TXNRD1: variants seen among roughly 807,000 people sequenced by gnomAD.
TXNRD1 encodes thioredoxin reductase 1, also known as thioredoxin reductase 1, cytoplasmic.
Under a neutral mutation model 80.3 loss-of-function variants are expected in TXNRD1, and 57 were observed. The ratio of observed to expected loss-of-function variants is 0.71; its 90% CI spans 0.57 to 0.89. The LOEUF (loss-of-function observed/expected upper bound fraction) is 0.89, where lower values mean the gene tolerates loss of function less well. TXNRD1 is among the 40% of genes least tolerant of loss of function. The pLI is 0.00. For missense variants in TXNRD1, 730 were observed against 803.0 expected (o/e 0.91, Z 1.10); for synonymous variants, 291 against 285.2 (o/e 1.02, Z -0.20).
At chr12:104,265,519 T>C (rs1593724902) in intron 3 of TXNRD1, 2 of 1,610,190 alleles carry the variant, frequency 1.2e-6, no homozygotes, top group Non-Finnish European at 1.7e-6. Context: ...GTTTGAGAAG[T>C]CCCCCCTGCG....
Position 104,266,789 on chromosome 12 carries a change from C to T in TXNRD1, c.304+8710C>T, listed in dbSNP as rs186328651. On this transcript the variant is annotated intron_variant, in intron 3 of 16. Coordinates refer to ENST00000525566, the MANE Select transcript of TXNRD1 (RefSeq NM_001093771.3). ...CCATCTGGCTAACAGGGTGAAACCC[C>T]GTCTCTACTAAAAACACAAAAAATT... is the stretch of plus-strand genomic sequence containing the variant. 6.9e-3 allele frequency among the ~76,000 whole-genome samples: 1,044 copies of T among 151,936 alleles called. 6 individuals carry two copies. The Middle Eastern group carries it at 0.075, about 11-fold the overall frequency.
intron 16 of TXNRD1, among the ~76,000 whole-genome samples, chr12:104,344,949 C>T (rs967722029): frequency 3.9e-5 from 6 of 152,212 alleles, no homozygotes; most frequent in African/African-American, 1.4e-4. Context: ...ATGCTGGGTT[C>T]TGACTTGGAT....
At chr12:104,273,004 T>C (rs1042174505) in intron 3 of TXNRD1, among the ~76,000 whole-genome samples, 1 of 150,788 alleles carries the variant, frequency 6.6e-6, no homozygotes, top group East Asian at 2.0e-4. Flanking sequence ...AAAAAAAGCA[T>C]TTAAAATCTA....
chr12:104,235,502 T>A (rs1018132157), intron 1 of TXNRD1, among the ~76,000 whole-genome samples: 21 of 152,190 alleles, frequency 1.4e-4, no homozygotes, highest in Non-Finnish European at 2.6e-4. Context: ...AAGCCTGATA[T>A]GACATCAAGA....
intron 1 of TXNRD1, among the ~76,000 whole-genome samples, chr12:104,226,737 C>A (rs913700007): frequency 6.6e-6 from 1 of 152,132 alleles, no homozygotes. Context: ...TTCTGTAGGT[C>A]TGTCTCCCAT....
chr12:104,296,093 G>A (rs1565884026), intron 4 of TXNRD1, among the ~76,000 whole-genome samples: 1 of 152,216 alleles, frequency 6.6e-6, no homozygotes, highest in South Asian at 2.1e-4. Context: ...AAGTGGCAGA[G>A]TCAGGACTAG....
At chr12:104,328,665 A>T (rs1218637671) in intron 13 of TXNRD1, among the ~76,000 whole-genome samples, 1 of 151,028 alleles carries the variant, frequency 6.6e-6, no homozygotes, top group African/African-American at 2.4e-5. Context: ...AGGCTGAGGC[A>T]GGAGAATGGC....
chr12:104,266,660 G>A (rs113297151), intron 3 of TXNRD1, among the ~76,000 whole-genome samples: 10,389 of 151,166 alleles, frequency 0.069, 450 homozygotes, highest in Middle Eastern at 0.15. Flanking sequence ...GTGAAACCCT[G>A]TCTCTACTAA....
rs765674827 is a variant in TXNRD1 at position 104,348,699 on chromosome 12, C to T, written c.*278C>T. 5.2e-5 allele frequency: 21 copies of T among 400,386 alleles called. No individual in the cohort carries two copies. Among genetic ancestry groups the T allele is most frequent in the Non-Finnish European group, 8.1e-5 (18 of 222,880 alleles). 24.8% of individuals were successfully genotyped at this position (400,386 alleles called of 1,614,324 possible). ...ACCAGTCTCAAGCCCATGTGGTAGGCGGTGATGGAACAACTGTCAAATCAG... is the reference window on the plus strand; with the variant it reads ...ACCAGTCTCAAGCCCATGTGGTAGGTGGTGATGGAACAACTGTCAAATCAG... On this transcript the variant is annotated 3_prime_UTR_variant, in exon 17 of 17. Coordinates refer to ENST00000525566, the MANE Select transcript of TXNRD1 (RefSeq NM_001093771.3).
intron 16 of TXNRD1, among the ~76,000 whole-genome samples, chr12:104,340,551 C>T (rs1316036596): frequency 6.6e-6 from 1 of 152,200 alleles, no homozygotes; most frequent in East Asian, 1.9e-4. Context: ...CTTGCCTCTT[C>T]TTCTGTCTTC....
At chr12:104,304,455 C>A (rs1250009134) in intron 4 of TXNRD1, 1 of 1,613,964 alleles carries the variant, frequency 6.2e-7, no homozygotes, top group Non-Finnish European at 8.5e-7. Context: ...GTTTTTGGTT[C>A]ATTCAAGCTA....
intron 4 of TXNRD1, chr12:104,305,195 T>G (rs1048990018): frequency 1.6e-5 from 5 of 312,288 alleles, no homozygotes; most frequent in Non-Finnish European, 3.0e-5. Flanking sequence ...AAACAAGTTT[T>G]GGATACCAAA....
chr12:104,299,151 GTATT>G (rs1039429083), intron 4 of TXNRD1, among the ~76,000 whole-genome samples: 8 of 152,120 alleles, frequency 5.3e-5, no homozygotes, highest in African/African-American at 1.9e-4. Flanking sequence ...AGGCAGACCT[GTATT>G]TTTTATTGCT....
At position 104,330,962 on chromosome 12, in the gene TXNRD1, C is replaced by T. The variant is rs956468303; in HGVS notation, c.1543-572C>T. On this transcript the variant is annotated intron_variant, in intron 13 of 16. Transcript: ENST00000525566. ...AGCAATGTTCAGTTAATACATGTAG[C>T]CTTTTCTGTATATCAAACTATTACT... Among the ~76,000 whole-genome samples, 10 of 151,812 alleles carry T rather than the reference C, an allele frequency of 6.6e-5. 1 individual carries two copies. The South Asian group carries it at 1.9e-3, about 28-fold the overall frequency.
At chr12:104,267,681 C>CTTTG (rs1219175268) in intron 3 of TXNRD1, among the ~76,000 whole-genome samples, 9 of 46,824 alleles carry the variant, frequency 1.9e-4, no homozygotes, top group South Asian at 6.0e-4. Flanking sequence ...TTCTTTCTTT[C>CTTTG]TTTCTTTCTT....
intron 12 of TXNRD1, 43 bp downstream of exon 12, chr12:104,326,466 T>TC: frequency 8.0e-7 from 1 of 1,247,648 alleles, no homozygotes; most frequent in Non-Finnish European, 1.1e-6. Context: ...TGGGATTTTT[T>TC]TTTTTTTTTT....
At chr12:104,253,417 T>G (rs2033173879) in intron 2 of TXNRD1, among the ~76,000 whole-genome samples, 1 of 151,610 alleles carries the variant, frequency 6.6e-6, no homozygotes, top group African/African-American at 2.4e-5. Context: ...GGGGTTTAGC[T>G]CAACTGAGGG....
intron 14 of TXNRD1, among the ~76,000 whole-genome samples, chr12:104,333,491 A>G (rs748668625): frequency 2.0e-5 from 3 of 152,130 alleles, no homozygotes; most frequent in African/African-American, 7.2e-5. Flanking sequence ...TTGTGATACT[A>G]TGATACTGTA....
In TXNRD1 at chr12:104,265,167, G is replaced by T. The variant is rs2033447736; in HGVS notation, c.304+7088G>T. The T allele has an allele frequency of 2.3e-5, 17 of 750,386 alleles. No homozygotes were observed. The South Asian group carries it at 2.9e-4, about 13-fold the overall frequency. 46.5% of individuals were successfully genotyped at this position (750,386 alleles called of 1,614,324 possible). A position where few individuals can be genotyped will look rare whatever the true frequency, so the allele number is the denominator to read the frequency against. On this transcript the variant is annotated intron_variant, in intron 3 of 16. Transcript: ENST00000525566. ...CTTGGGAGGCTGAGGCAGGAGAATC[G>T]CTTGAACCCGGGAGGTGGAGGTTGC...
Sources: gnomAD v4.1 joint callset for allele counts (sites outside exome capture counted in the v4.1 genomes callset) on GRCh38, gnomAD v4.1.1 for gene constraint, MANE v1.5 for transcripts, NCBI Gene and HGNC (gene_info 2026-07-23, HGNC 2026-07-21) for gene names.